The following DCLRE1C variants were observed in gnomAD, a reference collection of about 807,000 sequenced individuals.
The protein encoded by DCLRE1C is DNA cross-link repair 1C, also known as protein artemis.
In DCLRE1C, 47 loss-of-function variants were observed where a neutral mutation model predicts 61.4. That is an observed-to-expected ratio of 0.77 (90% CI 0.61 to 0.98). The LOEUF is 0.98. DCLRE1C is among the 50% of genes least tolerant of loss of function. The pLI, the probability that DCLRE1C is intolerant of heterozygous loss-of-function variation, is 0.00. For synonymous variants in DCLRE1C, 337 were observed against 287.6 expected (o/e 1.17, Z -1.74); for missense variants, 858 against 816.0 (o/e 1.05, Z -0.63).
chr10:14,935,301 C>T (rs1000496158), intron 6 of DCLRE1C, among the ~76,000 whole-genome samples, 162 bp downstream of exon 6: 16 of 152,020 alleles, frequency 1.1e-4, no homozygotes, highest in South Asian at 4.2e-4. Context: ...ACCCCATCTC[C>T]ACTAAAAATA....
rs1355729942 is a variant in DCLRE1C at position 14,935,571 on chromosome 10, A to G, written c.363-7T>C. 6.2e-7 allele frequency: 1 copy of G among 1,613,224 alleles called. No individual in the cohort carries two copies. Among genetic ancestry groups the G allele is most frequent in the East Asian group, 2.2e-5 (1 of 44,866 alleles). The stretch of plus-strand genomic sequence containing the variant: ...ATTGCCCTGAAATAAAAACCTGAAA[A>G]AGAAATATATCCCAGTGACTTCTGA... On this transcript the variant is annotated splice_polypyrimidine_tract_variant and splice_region_variant and intron_variant, in intron 5 of 13. Coordinates refer to ENST00000378278, the MANE Select transcript of DCLRE1C (RefSeq NM_001033855.3).
At chr10:14,937,088 C>T (rs74124755) in intron 4 of DCLRE1C, among the ~76,000 whole-genome samples, 21,359 of 151,902 alleles carry the variant, frequency 0.14, 1,711 homozygotes, top group African/African-American at 0.21. Context: ...ATGAAATATC[C>T]GGAATAGGTG....
chr10:14,926,430 G>A (rs1837985270), intron 11 of DCLRE1C, among the ~76,000 whole-genome samples: 3 of 152,056 alleles, frequency 2.0e-5, no homozygotes, highest in Admixed American at 1.3e-4. Flanking sequence ...CAAGGCAGAC[G>A]GATTACCTGA....
At chr10:14,928,273 A>C in intron 9 of DCLRE1C, 121 bp from the exon 10 acceptor site, 1 of 886,724 alleles carries the variant, frequency 1.1e-6, no homozygotes, top group African/African-American at 1.7e-5. Flanking sequence ...AATAAAAAAA[A>C]AGCAGCAAAA....
chr10:14,944,906 C>G (rs968658763), intron 3 of DCLRE1C, among the ~76,000 whole-genome samples, 199 bp downstream of exon 3: 2 of 151,864 alleles, frequency 1.3e-5, no homozygotes, highest in African/African-American at 2.4e-5. Context: ...AACTCCTGAC[C>G]TCAAGTGATC....
In DCLRE1C at chr10:14,919,920, T is replaced by C. The variant is rs41299710; in HGVS notation, c.1062-88A>G. 1.6e-4 allele frequency: 183 copies of C among 1,139,838 alleles called. No individual in the cohort carries two copies. The African/African-American group carries it at 2.4e-3, about 15-fold the overall frequency. The allele number at this position is 1,139,838 out of a possible 1,614,324, so 70.6% of individuals were successfully genotyped here. A position where few individuals can be genotyped will look rare whatever the true frequency, so the allele number is the denominator to read the frequency against. On this transcript the variant is annotated intron_variant, in intron 12 of 13. Coordinates refer to ENST00000378278, the MANE Select transcript of DCLRE1C (RefSeq NM_001033855.3). ...TGATAGTATTACAAATTTTTTTGAT[T>C]TTGTTTTTTAATTTCTTGGATCCCT...
downstream of DCLRE1C, chr10:14,901,319 A>G: frequency 6.2e-7 from 1 of 1,605,618 alleles, no homozygotes; most frequent in Non-Finnish European, 8.5e-7. Context: ...GAATCAAATC[A>G]GACTAGGAAC....
rs1387653770 is a variant in DCLRE1C, at chr10:14,923,284, G to T, written c.973-215C>A. 7.4e-6 allele frequency: 4 copies of T among 540,132 alleles called. No individual in the cohort carries two copies. In the East Asian group the frequency reaches 1.3e-4, roughly 18 times the overall value. 33.5% of individuals were successfully genotyped at this position (540,132 alleles called of 1,614,324 possible). A position where few individuals can be genotyped will look rare whatever the true frequency, so the allele number is the denominator to read the frequency against. ...GATCTCCTGAACACTGAGTACTAGT[G>T]GGCCTAGAAATCAGTACATTTAAAT... On this transcript the variant is annotated intron_variant, in intron 11 of 13. Coordinates refer to ENST00000378278, the MANE Select transcript of DCLRE1C (RefSeq NM_001033855.3).
chr10:14,939,806 T>C lies in DCLRE1C; in HGVS notation c.306+4A>G, dbSNP rs1346240528. On this transcript the variant is annotated splice_donor_region_variant and intron_variant, in intron 4 of 13. Coordinates refer to ENST00000378278, the MANE Select transcript of DCLRE1C (RefSeq NM_001033855.3). ...AAAAAAATCAATATTTAATATTTAGTTACCTCTCCTGATGCTTCATCCACT... is the reference window on the plus strand; with the variant it reads ...AAAAAAATCAATATTTAATATTTAGCTACCTCTCCTGATGCTTCATCCACT... 1 of 1,584,490 alleles carries C rather than the reference T, an allele frequency of 6.3e-7. No individual in the cohort carries two copies. The highest frequency in any genetic ancestry group is 8.7e-7 in the Non-Finnish European group (1 of 1,154,980).
At chr10:14,926,808 G>A in intron 11 of DCLRE1C, 35 bp downstream of exon 11, 1 of 1,565,246 alleles carries the variant, frequency 6.4e-7, no homozygotes, top group Non-Finnish European at 8.8e-7. Flanking sequence ...AGAACACTGA[G>A]CGATAAGGGT....
intron 3 of DCLRE1C, among the ~76,000 whole-genome samples, chr10:14,940,174 CCT>C (rs1282144036): frequency 2.0e-5 from 3 of 152,128 alleles, no homozygotes; most frequent in Admixed American, 6.6e-5. Context: ...CTCCCATTCC[CCT>C]CTCTCTCTGA....
chr10:14,922,123 C>A (rs1237539166), intron 12 of DCLRE1C, among the ~76,000 whole-genome samples: 1 of 152,194 alleles, frequency 6.6e-6, no homozygotes, highest in African/African-American at 2.4e-5. Context: ...AAGCTCCATT[C>A]CCACCATATG....
chr10:14,898,199 TTTC>T lies in DCLRE1C; in HGVS notation c.*962_*964del, dbSNP rs1323716024. ...TCCAAAACTCAGTGAGGTAGTACTGTTTCTTTTTTTTTTTTTTTTTTTTTTTTT... is the reference window on the plus strand; with the variant it reads ...TCCAAAACTCAGTGAGGTAGTACTGTTTTTTTTTTTTTTTTTTTTTTTTTT... On this transcript the variant is annotated 3_prime_UTR_variant, in exon 14 of 14. Transcript: ENST00000378289. The T allele has an allele frequency of 2.1e-5, 3 of 142,608 alleles. No individual in the cohort carries two copies. In the Admixed American group the frequency reaches 2.2e-4, roughly 11 times the overall value. 8.8% of individuals were successfully genotyped at this position (142,608 alleles called of 1,614,324 possible). A position where few individuals can be genotyped will look rare whatever the true frequency, so the allele number is the denominator to read the frequency against.
At chr10:14,941,919 T>C (rs1242950210) in intron 3 of DCLRE1C, among the ~76,000 whole-genome samples, 1 of 152,200 alleles carries the variant, frequency 6.6e-6, no homozygotes, top group African/African-American at 2.4e-5. Context: ...AATTGTTGAT[T>C]TCCTATTTCT....
intron 11 of DCLRE1C, among the ~76,000 whole-genome samples, chr10:14,926,077 C>T (rs1025386254): frequency 2.0e-5 from 3 of 152,158 alleles, no homozygotes; most frequent in African/African-American, 4.8e-5. Context: ...CCTGAGGCCT[C>T]CCCAGCCCTG....
At chr10:14,916,403 A>G (rs1215333617) in intron 13 of DCLRE1C, among the ~76,000 whole-genome samples, 1 of 152,240 alleles carries the variant, frequency 6.6e-6, no homozygotes, top group Admixed American at 6.5e-5. Flanking sequence ...TACAAGATCA[A>G]AAATCAATTG....
chr10:14,940,214 C>A (rs41296982), intron 3 of DCLRE1C, among the ~76,000 whole-genome samples: 5,428 of 151,910 alleles, frequency 0.036, 188 homozygotes, highest in African/African-American at 0.092. Context: ...AAACGTGGTC[C>A]TGTGTCCTAA....
At chr10:14,912,968 C>T (rs1442839015) in intron 13 of DCLRE1C, among the ~76,000 whole-genome samples, 5 of 141,162 alleles carry the variant, frequency 3.5e-5, no homozygotes, top group African/African-American at 1.3e-4. Context: ...AGGCGTGAGC[C>T]ACTGTGCCTG....
chr10:14,938,102 T>A (rs1020166515), intron 4 of DCLRE1C, among the ~76,000 whole-genome samples: 1 of 152,060 alleles, frequency 6.6e-6, no homozygotes, highest in African/African-American at 2.4e-5. Context: ...TGGAGGACCC[T>A]TTCGAGTGGG....
Sources: allele counts gnomAD v4.1 joint callset (sites outside exome capture counted in the v4.1 genomes callset), GRCh38; gene constraint gnomAD v4.1.1; transcripts MANE v1.5; gene names NCBI Gene and HGNC (gene_info 2026-07-23, HGNC 2026-07-21).